Variants in CADM2 observed in about 807,000 individuals in gnomAD.
CADM2 encodes cell adhesion molecule 2, also known as immunoglobulin superfamily member 4D.
CADM2 carries 12 observed loss-of-function variants against 49.8 expected under a neutral mutation model. The ratio of observed to expected loss-of-function variants is 0.24; its 90% CI spans 0.15 to 0.39. The LOEUF is 0.39. Among genes scored for constraint, CADM2 ranks in the 10% least tolerant of loss-of-function variants. The pLI, the probability that CADM2 is intolerant of heterozygous loss-of-function variation, is 1.00. For synonymous variants in CADM2, 214 were observed against 175.4 expected (o/e 1.22, Z -1.74); for missense variants, 378 against 492.3 (o/e 0.77, Z 2.20).
intron 1 of CADM2, among the ~76,000 whole-genome samples, chr3:85,708,336 G>T (rs1382215743): frequency 1.3e-5 from 2 of 151,702 alleles, no homozygotes; most frequent in Admixed American, 6.6e-5. Flanking sequence ...ATAGCATTTT[G>T]TTACATCAAA....
intron 1 of CADM2, among the ~76,000 whole-genome samples, chr3:85,335,036 G>C: frequency 6.6e-6 from 1 of 151,140 alleles, no homozygotes; most frequent in East Asian, 1.9e-4. Context: ...AATATTTCTA[G>C]GTTGTGAAGA....
At chr3:85,612,533 A>G (rs536933576) in intron 1 of CADM2, among the ~76,000 whole-genome samples, 2 of 152,034 alleles carry the variant, frequency 1.3e-5, no homozygotes, top group South Asian at 4.1e-4. Flanking sequence ...AATCATTCAT[A>G]CATACCTTAG....
chr3:85,132,792 T>C (rs1458092644), intron 1 of CADM2, among the ~76,000 whole-genome samples: 1 of 152,134 alleles, frequency 6.6e-6, no homozygotes, highest in Non-Finnish European at 1.5e-5. Context: ...AGGGAAGCTT[T>C]TGGGTTTTTT....
At position 85,539,348 on chromosome 3, in the gene CADM2, A is replaced by G. The variant is rs905099887; in HGVS notation, c.62-187174A>G. ...GATACTAAATTTAAAAAATGACTTCATATTTTTTATTATTGTCATGAACTA... is the reference window on the plus strand; with the variant it reads ...GATACTAAATTTAAAAAATGACTTCGTATTTTTTATTATTGTCATGAACTA... On this transcript the variant is annotated intron_variant, in intron 1 of 9. Coordinates refer to ENST00000383699, the MANE Select transcript of CADM2 (RefSeq NM_001167675.2). Among the ~76,000 whole-genome samples the G allele has an allele frequency of 6.6e-5, 10 of 152,210 alleles. No individual in the cohort carries two copies. In the East Asian group the frequency reaches 1.9e-3, roughly 29 times the overall value.
intron 8 of CADM2, among the ~76,000 whole-genome samples, chr3:85,997,375 A>G (rs1729556887): frequency 6.6e-6 from 1 of 152,188 alleles, no homozygotes; most frequent in Non-Finnish European, 1.5e-5. Context: ...TGAGGAACAT[A>G]ATTATGGATA....
intron 7 of CADM2, among the ~76,000 whole-genome samples, chr3:85,951,073 A>G (rs920153458): frequency 2.0e-5 from 3 of 150,858 alleles, no homozygotes; most frequent in Non-Finnish European, 4.5e-5. Context: ...GAAACTATAA[A>G]TAGAAGAAAA....
chr3:85,740,104 A>G (rs943244012), intron 2 of CADM2, among the ~76,000 whole-genome samples: 4 of 152,200 alleles, frequency 2.6e-5, no homozygotes, highest in African/African-American at 9.6e-5. Context: ...AAAGGAGGAA[A>G]TTAATTACAT....
chr3:85,490,423 A>T (rs1262926683), intron 1 of CADM2, among the ~76,000 whole-genome samples: 1 of 151,994 alleles, frequency 6.6e-6, no homozygotes, highest in East Asian at 1.9e-4. Context: ...CTCAATGTAA[A>T]TTTTTTAAAA....
intron 1 of CADM2, among the ~76,000 whole-genome samples, chr3:85,556,420 C>T (rs1385265784): frequency 6.6e-6 from 1 of 151,944 alleles, no homozygotes. Context: ...CTGTTTTGCT[C>T]AATAGTCAAC....
rs201572918 is a variant in CADM2, at chr3:86,065,735, G to A, written c.1096+5G>A. The A allele has an allele frequency of 1.7e-5, 28 of 1,612,544 alleles. 2 individuals are homozygous for A. Among genetic ancestry groups the A allele is most frequent in the South Asian group, 9.9e-5 (9 of 90,822 alleles). On this transcript the variant is annotated splice_donor_5th_base_variant and intron_variant, in intron 9 of 9. Transcript: ENST00000383699. ...GATATCTGGCAAGGCATAAAGGTAC[G>A]TTATATTTAGCCAGAGTACACAATG...
In CADM2 at chr3:85,258,273, A is replaced by G. The variant is rs528349401; in HGVS notation, c.61+298605A>G. ...AGCATTAAGGAAAGCTCTGGCAGAT[A>G]ATAAAATGCAAATTGAAATTTCTGG... On this transcript the variant is annotated intron_variant, in intron 1 of 9. Transcript: ENST00000383699. Among the ~76,000 whole-genome samples the G allele has an allele frequency of 2.0e-5, 3 of 152,230 alleles. No homozygotes were observed. The South Asian group carries it at 6.2e-4, about 32-fold the overall frequency.
chr3:86,056,641 G>A (rs1738024632), intron 8 of CADM2, among the ~76,000 whole-genome samples: 1 of 152,166 alleles, frequency 6.6e-6, no homozygotes, highest in African/African-American at 2.4e-5. Flanking sequence ...TGCACGGAGT[G>A]GCAACAGTTT....
At chr3:85,020,960 G>A (rs1054353067) in intron 1 of CADM2, among the ~76,000 whole-genome samples, 3 of 150,964 alleles carry the variant, frequency 2.0e-5, no homozygotes, top group African/African-American at 7.3e-5. Context: ...CTTTAGAAAC[G>A]AAGCTGCTGG....
intron 1 of CADM2, among the ~76,000 whole-genome samples, chr3:85,555,456 AGTATTAATT>A (rs1310464744): frequency 6.6e-6 from 1 of 152,188 alleles, no homozygotes; most frequent in East Asian, 1.9e-4. Flanking sequence ...GGTATATAAT[AGTATTAATT>A]GTATTTCAGT....
chr3:85,917,850 C>G (rs188007010), intron 6 of CADM2, among the ~76,000 whole-genome samples: 135 of 152,030 alleles, frequency 8.9e-4, no homozygotes, highest in African/African-American at 3.1e-3. Flanking sequence ...TAGTTGAGCA[C>G]TGGTTTGTAG....
At chr3:85,908,251 C>CT (rs1559735108) in intron 5 of CADM2, among the ~76,000 whole-genome samples, 4 of 74,800 alleles carry the variant, frequency 5.3e-5, no homozygotes, top group Non-Finnish European at 8.1e-5. Flanking sequence ...TTTTTTTTTT[C>CT]TTCTTTTTTT....
At chr3:85,669,908 G>A (rs2065685242) in intron 1 of CADM2, among the ~76,000 whole-genome samples, 1 of 151,948 alleles carries the variant, frequency 6.6e-6, no homozygotes, top group African/African-American at 2.4e-5. Context: ...TATGATGAAG[G>A]AGCGGCAGCA....
At chr3:85,735,733 A>G (rs1311773202) in intron 2 of CADM2, among the ~76,000 whole-genome samples, 2 of 151,930 alleles carry the variant, frequency 1.3e-5, no homozygotes, top group African/African-American at 4.8e-5. Context: ...TGGAGTGTAG[A>G]TGTTTTGTTT....
intron 1 of CADM2, among the ~76,000 whole-genome samples, chr3:85,641,823 C>T (rs1041318910): frequency 3.3e-5 from 5 of 151,474 alleles, no homozygotes; most frequent in Admixed American, 1.3e-4. Context: ...CCCAGCTACT[C>T]GGGAGGCTGA....
Sources: allele counts gnomAD v4.1 joint callset (sites outside exome capture counted in the v4.1 genomes callset), GRCh38; gene constraint gnomAD v4.1.1; transcripts MANE v1.5; gene names NCBI Gene and HGNC (gene_info 2026-07-23, HGNC 2026-07-21).